Variants in WWP1 observed in about 807,000 individuals in gnomAD.
WWP1 encodes WW domain containing E3 ubiquitin protein ligase 1.
WWP1 carries 49 observed loss-of-function variants against 130.6 expected under a neutral mutation model. The observed-to-expected ratio is 0.38, with a 90% CI of 0.30 to 0.48. The LOEUF (loss-of-function observed/expected upper bound fraction) is 0.48. WWP1 is among the 20% of genes least tolerant of loss of function. WWP1 has a pLI of 0.99. For synonymous variants in WWP1, 332 were observed against 367.8 expected, an observed-to-expected ratio of 0.90 and a Z score of 1.11; for missense variants, 809 against 1,100.6, an observed-to-expected ratio of 0.74 and a Z score of 3.75.
At chr8:86,411,079 A>G (rs1056250050) in intron 8 of WWP1, among the ~76,000 whole-genome samples, 1 of 152,222 alleles carries the variant, frequency 6.6e-6, no homozygotes, top group Non-Finnish European at 1.5e-5. Flanking sequence ...TGCAACCCCT[A>G]TAGTACTATC....
At position 86,430,728 on chromosome 8, in the gene WWP1, A is replaced by C; in HGVS notation, c.1364A>C (p.Tyr455Ser). ...ATGTTAGCTGCAGAAAATGACCCTT[A>C]TGGACCTTTGCCACCAGGCTGGGGT... ...ASMLAAENDP[Y>S]GPLPPGWEKR... The change falls in exon 12 of 25, where the codon TAT becomes TCT. Residue 455 changes from tyrosine (Y) to serine (S), a missense_variant. By Grantham distance (144) the Tyr-to-Ser change is moderately radical. This residue lies in a region of WWP1 where 450 missense variants were observed against 674.2 expected (regional missense o/e 0.67). Coordinates refer to ENST00000517970, the MANE Select transcript of WWP1 (RefSeq NM_007013.4). 1.3e-6 allele frequency: 2 copies of C among 1,570,410 alleles called. No individual in the cohort carries two copies. The highest frequency in any genetic ancestry group is 1.7e-6 in the Non-Finnish European group (2 of 1,156,618).
At chr8:86,406,972 A>G (rs746162328) in intron 8 of WWP1, among the ~76,000 whole-genome samples, 3 of 152,208 alleles carry the variant, frequency 2.0e-5, no homozygotes, top group Non-Finnish European at 4.4e-5. Context: ...TGAGATGGAT[A>G]TACCATAAAG....
intron 11 of WWP1, 42 bp downstream of exon 11, chr8:86,427,859 C>CA: frequency 6.5e-7 from 1 of 1,548,130 alleles, no homozygotes; most frequent in Non-Finnish European, 8.7e-7. Flanking sequence ...CTTCCTCCCT[C>CA]AGGTGTTTCT....
intron 5 of WWP1, among the ~76,000 whole-genome samples, chr8:86,387,228 TC>T (rs1404969456): frequency 4.6e-5 from 7 of 152,162 alleles, no homozygotes; most frequent in African/African-American, 9.7e-5. Flanking sequence ...TTCACATTCT[TC>T]CATTAGCAGT....
chr8:86,443,086 C>A (rs764855573), intron 18 of WWP1, among the ~76,000 whole-genome samples: 16 of 151,912 alleles, frequency 1.1e-4, no homozygotes, highest in Non-Finnish European at 2.1e-4. Context: ...AATTTTAATT[C>A]TTTTGAGAAA....
chr8:86,352,038 C>G (rs72688562), intron 1 of WWP1, among the ~76,000 whole-genome samples: 2,351 of 98,602 alleles, frequency 0.024, 32 homozygotes, highest in Middle Eastern at 0.036. Flanking sequence ...CTAAAATATT[C>G]CTTTTTTTTT....
chr8:86,343,521 C>G (rs1822365575), intron 1 of WWP1, among the ~76,000 whole-genome samples: 1 of 143,206 alleles, frequency 7.0e-6, no homozygotes, highest in South Asian at 2.3e-4. Flanking sequence ...TTGTCTGTGA[C>G]TTACAGACTC....
chr8:86,435,817 T>A, intron 16 of WWP1, 113 bp downstream of exon 16: 1 of 955,184 alleles, frequency 1.0e-6, no homozygotes, highest in Non-Finnish European at 1.6e-6. Context: ...GCTATAATAA[T>A]AATGACTGCC....
At chr8:86,421,923 G>A (rs911467277) in intron 9 of WWP1, among the ~76,000 whole-genome samples, 1 of 152,158 alleles carries the variant, frequency 6.6e-6, no homozygotes, top group African/African-American at 2.4e-5. Flanking sequence ...ATGGGGAAGG[G>A]AGGTAGAAGG....
intron 9 of WWP1, among the ~76,000 whole-genome samples, chr8:86,413,631 G>T (rs368572142): frequency 1.3e-5 from 2 of 152,178 alleles, no homozygotes; most frequent in African/African-American, 4.8e-5. Context: ...CAGTAGAGCC[G>T]ACTGCACATT....
chr8:86,403,022 A>G (rs1808085320), intron 8 of WWP1, among the ~76,000 whole-genome samples: 1 of 152,212 alleles, frequency 6.6e-6, no homozygotes, highest in Admixed American at 6.5e-5. Context: ...GATGTCCTCT[A>G]TAATCCTTAG....
At chr8:86,421,521 ATTGAT>A (rs1369618429) in intron 9 of WWP1, among the ~76,000 whole-genome samples, 1 of 151,986 alleles carries the variant, frequency 6.6e-6, no homozygotes, top group Non-Finnish European at 1.5e-5. Context: ...GTTCTCCCAG[ATTGAT>A]TTAATATTTG....
chr8:86,428,511 TAGAA>T (rs1809754204), intron 11 of WWP1, among the ~76,000 whole-genome samples: 1 of 152,172 alleles, frequency 6.6e-6, no homozygotes, highest in Non-Finnish European at 1.5e-5. Context: ...AGCTAGCAGA[TAGAA>T]AGGAAGTAGG....
At chr8:86,401,977 AATT>A in intron 7 of WWP1, 39 bp from the exon 8 acceptor site, 1 of 1,438,960 alleles carries the variant, frequency 6.9e-7, no homozygotes, top group South Asian at 1.6e-5. Flanking sequence ...AATGTTGTTG[AATT>A]ATACTTAAAT....
rs187760193 is a variant in WWP1, at chr8:86,453,131, G to A, written c.2394+452G>A. ...CAATAATGTTAAATATATTCACATT[G>A]TGCATCCAATCTCCAGAAATTTTTC... On this transcript the variant is annotated intron_variant, in intron 21 of 24. Coordinates refer to ENST00000517970, the MANE Select transcript of WWP1 (RefSeq NM_007013.4). Among the ~76,000 whole-genome samples, 27 of 152,034 alleles carry A rather than the reference G, an allele frequency of 1.8e-4. No homozygotes were observed. The East Asian group carries it at 5.2e-3, about 29-fold the overall frequency.
At chr8:86,389,478 GT>G (rs1825489268) in intron 5 of WWP1, among the ~76,000 whole-genome samples, 1 of 152,174 alleles carries the variant, frequency 6.6e-6, no homozygotes. Context: ...TGGGGGTAAG[GT>G]TATAGATTAA....
rs1212733803 is a variant in WWP1, at chr8:86,467,789, G to C, written c.*896G>C. 6.6e-6 allele frequency: 1 copy of C among 152,048 alleles called. No individual in the cohort carries two copies. Among genetic ancestry groups the C allele is most frequent in the Non-Finnish European group, 1.5e-5 (1 of 67,988 alleles). 9.4% of individuals were successfully genotyped at this position (152,048 alleles called of 1,614,324 possible). On this transcript the variant is annotated 3_prime_UTR_variant, in exon 25 of 25. Coordinates refer to ENST00000517970, the MANE Select transcript of WWP1 (RefSeq NM_007013.4). ...AATGTAAACTCTGCCACTTTTTTGT[G>C]TTCAAAATTTTGGTTTTTATGAAGC...
intron 8 of WWP1, among the ~76,000 whole-genome samples, chr8:86,410,171 C>A (rs1808506441): frequency 6.6e-6 from 1 of 152,112 alleles, no homozygotes; most frequent in Non-Finnish European, 1.5e-5. Context: ...ATTACCTTCC[C>A]AGAATAAGTT....
chr8:86,369,493 G>A (rs1207455372), intron 2 of WWP1, among the ~76,000 whole-genome samples: 1 of 152,096 alleles, frequency 6.6e-6, no homozygotes, highest in Non-Finnish European at 1.5e-5. Context: ...AAAATAGATT[G>A]GGGGTGGGGA....
Sources: gnomAD v4.1 joint callset for allele counts (sites outside exome capture counted in the v4.1 genomes callset) on GRCh38, gnomAD v4.1.1 for gene constraint, gnomAD v4.1.1 regional missense constraint, MANE v1.5 for transcripts, NCBI Gene and HGNC (gene_info 2026-07-23, HGNC 2026-07-21) for gene names.